Variants in FILIP1L observed in about 807,000 individuals in gnomAD.
FILIP1L encodes filamin A interacting protein 1 like.
FILIP1L carries 55 observed loss-of-function variants against 96.6 expected under a neutral mutation model. That is an observed-to-expected ratio of 0.57 (90% confidence interval 0.46 to 0.71). FILIP1L has a LOEUF of 0.71. FILIP1L is among the 30% of genes least tolerant of loss of function. The probability of loss-of-function intolerance (pLI) is 0.00; values close to 1 mark genes in which losing one functional copy is unlikely to be tolerated. For missense variants in FILIP1L, 1,304 were observed against 1,321.2 expected (o/e 0.99, Z 0.20); for synonymous variants, 467 against 473.9 (o/e 0.99, Z 0.19).
At chr3:100,039,285 C>G (rs894956870) in intron 1 of FILIP1L, among the ~76,000 whole-genome samples, 11 of 152,150 alleles carry the variant, frequency 7.2e-5, no homozygotes, top group Non-Finnish European at 1.2e-4. Context: ...TCTAAGTGTT[C>G]TTGATCACAG....
chr3:99,907,626 G>A (rs909334905), intron 4 of FILIP1L, among the ~76,000 whole-genome samples: 16 of 152,106 alleles, frequency 1.1e-4, no homozygotes, highest in African/African-American at 3.9e-4. Context: ...TTCACATTAT[G>A]TGTACTTAAG....
At position 100,092,939 on chromosome 3, in the gene FILIP1L, C is replaced by A. The variant is rs141884848; in HGVS notation, c.-11+21114G>T. On this transcript the variant is annotated intron_variant, in intron 1 of 5. Coordinates refer to ENST00000477258, the MANE Select transcript of FILIP1L (RefSeq NM_001387850.1). Reference sequence around the variant, plus strand: ...TTTAGCTATCTATAAATATGACATTCTCCTGGATACACATAACTCTCACTA... The same window carrying A: ...TTTAGCTATCTATAAATATGACATTATCCTGGATACACATAACTCTCACTA... Among the ~76,000 whole-genome samples, 453 of 151,916 alleles carry A rather than the reference C, an allele frequency of 3.0e-3. 3 individuals carry two copies. Among genetic ancestry groups the A allele is most frequent in the Middle Eastern group, 0.014 (4 of 294 alleles).
chr3:99,848,376 T>C lies in FILIP1L; in HGVS notation c.3300A>G (p.Leu1100=), dbSNP rs751240509. The change falls in exon 5 of 6, where the codon CTA becomes CTG. Residue 1100 remains leucine (L), a synonymous_variant. Coordinates refer to ENST00000477258, the MANE Select transcript of FILIP1L (RefSeq NM_001387850.1). ...NRTQGLINGA[L]NKTTNKVTSS... is the part of the protein sequence containing the mutation. ...TGGTGACTTTATTGGTTGTTTTGTT[T>C]AGTGCCCCGTTAATTAAGCCTTGAG... 4 of 1,614,202 alleles carry C rather than the reference T, an allele frequency of 2.5e-6. No homozygotes were observed. Among genetic ancestry groups the C allele is most frequent in the East Asian group, 4.5e-5 (2 of 44,894 alleles).
intron 1 of FILIP1L, among the ~76,000 whole-genome samples, chr3:100,067,080 G>A (rs1299903687): frequency 6.6e-6 from 1 of 152,176 alleles, no homozygotes. Context: ...CTGTCACAGG[G>A]CCACTGAGAT....
intron 4 of FILIP1L, among the ~76,000 whole-genome samples, chr3:99,888,874 C>G (rs1450540044): frequency 6.6e-6 from 1 of 152,130 alleles, no homozygotes; most frequent in East Asian, 1.9e-4. Flanking sequence ...GGGCTTTCAT[C>G]TCTTTACTTA....
chr3:99,909,801 T>C (rs966919161), intron 4 of FILIP1L, among the ~76,000 whole-genome samples: 2 of 152,226 alleles, frequency 1.3e-5, no homozygotes, highest in African/African-American at 4.8e-5. Flanking sequence ...CCATTTCCAT[T>C]CAACTGCCTA....
chr3:99,878,522 G>A lies in FILIP1L; in HGVS notation c.606-27452C>T, dbSNP rs116759272. 5.7e-3 allele frequency among the ~76,000 whole-genome samples: 874 copies of A among 152,284 alleles called. 11 individuals are homozygous for A. The highest frequency in any genetic ancestry group is 0.016 in the African/African-American group (675 of 41,544). On this transcript the variant is annotated intron_variant, in intron 4 of 5. Coordinates refer to ENST00000477258, the MANE Select transcript of FILIP1L (RefSeq NM_001387850.1). The stretch of plus-strand genomic sequence containing the variant: ...TAGTCTTGTCTTCTCCTAATAGTTT[G>A]TTCAGAATCTCTCAGAGGTATGTTT...
At position 99,870,072 on chromosome 3, in the gene FILIP1L, T is replaced by C. The variant is rs186204858; in HGVS notation, c.606-19002A>G. Among the ~76,000 whole-genome samples the C allele has an allele frequency of 1.4e-4, 21 of 152,322 alleles. No individual in the cohort carries two copies. The East Asian group carries it at 4.0e-3, about 29-fold the overall frequency. ...AGTGATATAATCAGTAGCTTTTATT[T>C]TTATATTGTCTCTTCTCTACTTGAT... On this transcript the variant is annotated intron_variant, in intron 4 of 5. Coordinates refer to ENST00000477258, the MANE Select transcript of FILIP1L (RefSeq NM_001387850.1).
intron 1 of FILIP1L, among the ~76,000 whole-genome samples, chr3:100,056,971 T>A (rs1317049948): frequency 1.3e-5 from 2 of 151,996 alleles, no homozygotes; most frequent in South Asian, 4.1e-4. Context: ...ACCACTGCAC[T>A]CCAGCCTGGG....
At chr3:99,979,268 A>G (rs1388351427) in intron 1 of FILIP1L, among the ~76,000 whole-genome samples, 1 of 152,068 alleles carries the variant, frequency 6.6e-6, no homozygotes, top group East Asian at 1.9e-4. Context: ...TTTGAATGAG[A>G]CTCTACCTAA....
Position 99,929,892 on chromosome 3 carries a change from A to C in FILIP1L, c.390T>G (p.Pro130=), listed in dbSNP as rs371463759. The change falls in exon 3 of 6, where the codon CCT becomes CCG. Residue 130 remains proline (P), a synonymous_variant. Transcript: ENST00000477258. ...QRDAFQAKST[P]WQEDIYEKPM... ...GTTTCTCATAGATGTCCTCCTGCCA[A>C]GGGGTAGATTTCGCTTGAAAAGCAT... 4.3e-6 allele frequency: 7 copies of C among 1,613,762 alleles called. No homozygotes were observed. The highest frequency in any genetic ancestry group is 1.7e-5 in the Admixed American group (1 of 59,928).
chr3:100,109,095 A>T (rs1484079375), intron 1 of FILIP1L, among the ~76,000 whole-genome samples: 1 of 152,030 alleles, frequency 6.6e-6, no homozygotes, highest in African/African-American at 2.4e-5. Flanking sequence ...CTTAAAAAAA[A>T]AAAAAAGCAT....
chr3:100,022,032 T>C (rs1171823517), intron 1 of FILIP1L, among the ~76,000 whole-genome samples: 1 of 151,110 alleles, frequency 6.6e-6, no homozygotes, highest in East Asian at 2.0e-4. Context: ...GTTATACCCA[T>C]TTCCTTTTTC....
chr3:99,920,257 ACT>A (rs956824001), intron 4 of FILIP1L, among the ~76,000 whole-genome samples: 2 of 152,036 alleles, frequency 1.3e-5, no homozygotes, highest in African/African-American at 2.4e-5. Context: ...AAAAAAAGCA[ACT>A]CTTTTTTTTC....
intron 1 of FILIP1L, among the ~76,000 whole-genome samples, chr3:100,111,095 A>G (rs2066483269): frequency 6.6e-6 from 1 of 152,134 alleles, no homozygotes; most frequent in Non-Finnish European, 1.5e-5. Flanking sequence ...ATTCCACCCA[A>G]AAAGAAGAAG....
At chr3:99,937,696 T>G (rs748954915) in intron 1 of FILIP1L, among the ~76,000 whole-genome samples, 1 of 152,202 alleles carries the variant, frequency 6.6e-6, no homozygotes. Flanking sequence ...TATTGAGTGA[T>G]TGAATCATGC....
At chr3:99,958,888 G>A (rs1708415694) in intron 1 of FILIP1L, among the ~76,000 whole-genome samples, 1 of 152,136 alleles carries the variant, frequency 6.6e-6, no homozygotes, top group Non-Finnish European at 1.5e-5. Context: ...CTTAGGCAGT[G>A]GGAAGCTATT....
intron 1 of FILIP1L, among the ~76,000 whole-genome samples, chr3:100,057,892 T>C (rs976614677): frequency 2.0e-5 from 3 of 152,214 alleles, no homozygotes; most frequent in Admixed American, 6.5e-5. Flanking sequence ...TATGTATTCC[T>C]CAAAGATCCT....
chr3:100,010,870 G>T (rs979424011), intron 1 of FILIP1L, among the ~76,000 whole-genome samples: 1 of 143,696 alleles, frequency 7.0e-6, no homozygotes, highest in African/African-American at 2.6e-5. Context: ...CTCATGATCC[G>T]CCTGCTTCAG....
Sources: allele counts gnomAD v4.1 joint callset (sites outside exome capture counted in the v4.1 genomes callset), GRCh38; gene constraint gnomAD v4.1.1; transcripts MANE v1.5; gene names NCBI Gene and HGNC (gene_info 2026-07-23, HGNC 2026-07-21).